Variants in CADPS2 observed in about 807,000 individuals in gnomAD.
CADPS2 encodes the protein calcium dependent secretion activator 2, also known as calcium-dependent secretion activator 2.
In CADPS2, 93 loss-of-function variants were observed where a neutral mutation model predicts 172.5. The ratio of observed to expected loss-of-function variants is 0.54; its 90% confidence interval spans 0.46 to 0.64. The LOEUF (loss-of-function observed/expected upper bound fraction) is 0.64. CADPS2 is among the 30% of genes least tolerant of loss of function. The pLI, the probability that CADPS2 is intolerant of heterozygous loss-of-function variation, is 0.00. For synonymous variants in CADPS2, 546 were observed against 555.2 expected (o/e 0.98, Z 0.23); for missense variants, 1,420 against 1,565.9 (o/e 0.91, Z 1.57).
intron 28 of CADPS2, among the ~76,000 whole-genome samples, chr7:122,344,019 T>C (rs993247337): frequency 6.6e-6 from 1 of 152,170 alleles, no homozygotes; most frequent in Non-Finnish European, 1.5e-5. Flanking sequence ...CTTTTTATTG[T>C]ATGATAGCCT....
At chr7:122,490,029 ATCT>A in intron 11 of CADPS2, 49 bp downstream of exon 11, 1 of 1,492,764 alleles carries the variant, frequency 6.7e-7, no homozygotes, top group Non-Finnish European at 9.3e-7. Context: ...TCAATTTTAT[ATCT>A]TATTAAGGCT....
chr7:122,393,406 G>C (rs771294472), intron 21 of CADPS2, 35 bp downstream of exon 21: 1 of 1,613,016 alleles, frequency 6.2e-7, no homozygotes, highest in East Asian at 2.2e-5. Flanking sequence ...GGTTGAAGAG[G>C]CAGGTGCTCT....
intron 14 of CADPS2, among the ~76,000 whole-genome samples, chr7:122,455,922 C>T (rs992364549): frequency 9.9e-5 from 15 of 152,004 alleles, no homozygotes; most frequent in African/African-American, 2.9e-4. Context: ...AGGCTGGTCT[C>T]GAACTCCTGG....
intron 1 of CADPS2, among the ~76,000 whole-genome samples, chr7:122,746,748 C>T (rs1288914850): frequency 6.6e-6 from 1 of 152,124 alleles, no homozygotes; most frequent in Non-Finnish European, 1.5e-5. Context: ...GACAAGCTTG[C>T]TCTATCACTA....
chr7:122,496,560 T>C (rs187922483), intron 9 of CADPS2, among the ~76,000 whole-genome samples: 6 of 152,342 alleles, frequency 3.9e-5, no homozygotes, highest in African/African-American at 1.4e-4. Context: ...TAGCCTCATC[T>C]CACAAGTAGC....
At chr7:122,847,147 C>CGCAATCTCAGCTCACT (rs1812209902) in intron 1 of CADPS2, among the ~76,000 whole-genome samples, 1 of 151,958 alleles carries the variant, frequency 6.6e-6, no homozygotes, top group African/African-American at 2.4e-5. Flanking sequence ...AGTGCAGTGG[C>CGCAATCTCAGCTCACT]GCAATCTCAG....
chr7:122,332,980 A>G (rs1385036760), intron 28 of CADPS2, among the ~76,000 whole-genome samples: 1 of 152,184 alleles, frequency 6.6e-6, no homozygotes, highest in Non-Finnish European at 1.5e-5. Flanking sequence ...ATTTCAGACA[A>G]TCAGTTGTTC....
At chr7:122,438,690 G>A (rs549747055) in intron 16 of CADPS2, among the ~76,000 whole-genome samples, 2 of 152,132 alleles carry the variant, frequency 1.3e-5, no homozygotes, top group African/African-American at 4.8e-5. Flanking sequence ...CTCCTCCTAA[G>A]CCTAATTTAT....
chr7:122,842,983 G>C (rs567042015), intron 1 of CADPS2, among the ~76,000 whole-genome samples: 10 of 152,282 alleles, frequency 6.6e-5, no homozygotes, highest in South Asian at 2.1e-4. Flanking sequence ...GAACTATAAT[G>C]AGGGCAGAAA....
In CADPS2 at chr7:122,527,617, A is replaced by AGTGT. The variant is rs59653845; in HGVS notation, c.1476-14306_1476-14303dup. ...GAGAGAGAGAGAGAGAGAGAGAGAG[A>AGTGT]GTGTGTGTGTGTGTGTGTGTGTGTG... On this transcript the variant is annotated intron_variant, in intron 8 of 29. Transcript: ENST00000449022. 9.2e-3 allele frequency among the ~76,000 whole-genome samples: 773 copies of AGTGT among 83,852 alleles called. 8 individuals carry two copies. The highest frequency in any genetic ancestry group is 0.032 in the South Asian group (73 of 2,288). The allele number at this position is 83,852 out of a possible 152,430, so 55.0% of individuals were successfully genotyped here.
At chr7:122,853,810 G>A (rs1563180044) in intron 1 of CADPS2, among the ~76,000 whole-genome samples, 1 of 152,148 alleles carries the variant, frequency 6.6e-6, no homozygotes, top group South Asian at 2.1e-4. Context: ...AAGCAGGAGC[G>A]AAAAGCGGAT....
intron 2 of CADPS2, among the ~76,000 whole-genome samples, chr7:122,670,668 T>C: frequency 6.6e-6 from 1 of 151,976 alleles, no homozygotes; most frequent in South Asian, 2.1e-4. Flanking sequence ...TGGCTAATTT[T>C]TTTTGTATTT....
chr7:122,781,988 G>T (rs1225016968), intron 1 of CADPS2, among the ~76,000 whole-genome samples: 2 of 152,080 alleles, frequency 1.3e-5, no homozygotes, highest in African/African-American at 4.8e-5. Flanking sequence ...CATTTGTTCA[G>T]ATTTTATGAC....
chr7:122,763,113 T>C (rs2093443086), intron 1 of CADPS2, among the ~76,000 whole-genome samples: 1 of 152,102 alleles, frequency 6.6e-6, no homozygotes, highest in African/African-American at 2.4e-5. Context: ...GGAAAATTAA[T>C]GATTGATACA....
intron 11 of CADPS2, among the ~76,000 whole-genome samples, chr7:122,481,850 A>C (rs552816651): frequency 4.2e-4 from 64 of 152,194 alleles, no homozygotes; most frequent in Non-Finnish European, 8.5e-4. Flanking sequence ...GTCTCTACTA[A>C]AAATACAAAA....
At chr7:122,858,816 TG>T (rs1251890571) in intron 1 of CADPS2, among the ~76,000 whole-genome samples, 1 of 152,176 alleles carries the variant, frequency 6.6e-6, no homozygotes, top group Non-Finnish European at 1.5e-5. Flanking sequence ...GTGAGGTCCC[TG>T]GTAAGAACAA....
chr7:122,678,514 G>T (rs2082617645), intron 2 of CADPS2, among the ~76,000 whole-genome samples: 2 of 152,190 alleles, frequency 1.3e-5, no homozygotes, highest in Non-Finnish European at 2.9e-5. Flanking sequence ...GTGGGCAAGG[G>T]TTTAGGAAAT....
chr7:122,447,245 A>G (rs1481181835), intron 15 of CADPS2, among the ~76,000 whole-genome samples: 2 of 151,968 alleles, frequency 1.3e-5, no homozygotes, highest in African/African-American at 4.8e-5. Flanking sequence ...TTTGTTCATA[A>G]TTCATACTTA....
chr7:122,417,496 C>A (rs1368139081), intron 17 of CADPS2, among the ~76,000 whole-genome samples: 1 of 152,166 alleles, frequency 6.6e-6, no homozygotes, highest in Non-Finnish European at 1.5e-5. Context: ...GACACACTTC[C>A]AATCTCAACT....
Sources: allele counts gnomAD v4.1 joint callset (sites outside exome capture counted in the v4.1 genomes callset), GRCh38; gene constraint gnomAD v4.1.1; transcripts MANE v1.5; gene names NCBI Gene and HGNC (gene_info 2026-07-23, HGNC 2026-07-21).